Variants in SHROOM3 observed in about 807,000 individuals in gnomAD.
The protein encoded by SHROOM3 is protein Shroom3.
In SHROOM3, 47 loss-of-function variants were observed where a neutral mutation model predicts 138.6. The observed-to-expected ratio is 0.34, with a 90% CI of 0.27 to 0.43. The LOEUF is 0.43. Among genes scored for constraint, SHROOM3 ranks in the 20% least tolerant of loss-of-function variants. The pLI is 1.00. For synonymous variants in SHROOM3, 1,062 were observed against 1,063.3 expected (o/e 1.00, Z 0.02); for missense variants, 2,491 against 2,596.5 (o/e 0.96, Z 0.88).
intron 8 of SHROOM3, among the ~76,000 whole-genome samples, chr4:76,757,884 G>A (rs1434037653): frequency 6.6e-6 from 1 of 152,098 alleles, no homozygotes; most frequent in East Asian, 1.9e-4. Flanking sequence ...GACAGTCTGG[G>A]ACTCAGCAGT....
chr4:76,765,340 C>A (rs1354441835), intron 9 of SHROOM3, among the ~76,000 whole-genome samples: 1 of 148,088 alleles, frequency 6.8e-6, no homozygotes, highest in Non-Finnish European at 1.5e-5. Context: ...CATGGTGAAA[C>A]CCCATCTCTA....
At chr4:76,474,547 T>C (rs772334297) in intron 1 of SHROOM3, among the ~76,000 whole-genome samples, 2 of 152,102 alleles carry the variant, frequency 1.3e-5, no homozygotes, top group Non-Finnish European at 2.9e-5. Flanking sequence ...TAATGGGAAA[T>C]AAATTTTAAA....
intron 2 of SHROOM3, among the ~76,000 whole-genome samples, chr4:76,557,029 G>T (rs111402214): frequency 0.014 from 2,147 of 152,180 alleles, 40 homozygotes; most frequent in African/African-American, 0.049. Context: ...AGACAGACCC[G>T]GGTTCAAATT....
chr4:76,727,887 C>CAAAAA lies in SHROOM3; in HGVS notation c.456-2912_456-2908dup, dbSNP rs71212446. On this transcript the variant is annotated intron_variant, in intron 3 of 10. Coordinates refer to ENST00000296043, the MANE Select transcript of SHROOM3 (RefSeq NM_020859.4). ...TGGGCGATAGAGCAAGACTCCATCT[C>CAAAAA]AAAAAAAAAGGTTGATTCAACTTTA... is the stretch of plus-strand genomic sequence containing the variant. Among the ~76,000 whole-genome samples, 13 of 96,260 alleles carry CAAAAA rather than the reference C, an allele frequency of 1.4e-4. 1 individual carries two copies. The highest frequency in any genetic ancestry group is 7.0e-3 in the Middle Eastern group (1 of 142). The allele number at this position is 96,260 out of a possible 152,430, so 63.2% of individuals were successfully genotyped here. A position where few individuals can be genotyped will look rare whatever the true frequency, so the allele number is the denominator to read the frequency against.
At chr4:76,672,304 A>G (rs1718904895) in intron 2 of SHROOM3, among the ~76,000 whole-genome samples, 1 of 152,126 alleles carries the variant, frequency 6.6e-6, no homozygotes, top group Admixed American at 6.6e-5. Flanking sequence ...AAAACCAGAG[A>G]ATAATTCTAT....
At chr4:76,439,524 G>A (rs1560506394) in intron 1 of SHROOM3, among the ~76,000 whole-genome samples, 1 of 152,122 alleles carries the variant, frequency 6.6e-6, no homozygotes, top group Admixed American at 6.6e-5. Flanking sequence ...CCAGGGATGA[G>A]ACTAAAGTGA....
intron 3 of SHROOM3, chr4:76,716,237 C>G: frequency 2.0e-6 from 1 of 497,938 alleles, no homozygotes; most frequent in Non-Finnish European, 4.0e-6. Context: ...TGGGCAAGTT[C>G]AAGGCGATTC....
chr4:76,650,655 C>T (rs1323578373), intron 2 of SHROOM3, among the ~76,000 whole-genome samples: 2 of 152,068 alleles, frequency 1.3e-5, no homozygotes, highest in African/African-American at 4.8e-5. Flanking sequence ...AGCGATTCTC[C>T]TGCCTCAGCC....
intron 2 of SHROOM3, among the ~76,000 whole-genome samples, chr4:76,566,251 A>T (rs964853825): frequency 6.6e-6 from 1 of 152,166 alleles, no homozygotes; most frequent in African/African-American, 2.4e-5. Context: ...TAGGTAGGAT[A>T]AGTAATCCAG....
At chr4:76,475,158 G>A (rs1017800389) in intron 1 of SHROOM3, among the ~76,000 whole-genome samples, 15 of 152,110 alleles carry the variant, frequency 9.9e-5, no homozygotes, top group Middle Eastern at 6.8e-3. Context: ...ATTATATGTC[G>A]TTTTGTAATA....
intron 2 of SHROOM3, among the ~76,000 whole-genome samples, chr4:76,697,087 ATT>A (rs1163545473): frequency 1.3e-4 from 18 of 135,718 alleles, no homozygotes; most frequent in Admixed American, 2.2e-4. Flanking sequence ...CAGCTAATTA[ATT>A]TTTTTTTTTT....
At chr4:76,746,977 C>T (rs185547120) in intron 5 of SHROOM3, among the ~76,000 whole-genome samples, 4 of 151,780 alleles carry the variant, frequency 2.6e-5, no homozygotes, top group Non-Finnish European at 5.9e-5. Context: ...CCACCAGGCC[C>T]CGGTAATTTT....
At chr4:76,764,791 G>A (rs1360072130) in intron 9 of SHROOM3, among the ~76,000 whole-genome samples, 1 of 152,152 alleles carries the variant, frequency 6.6e-6, no homozygotes, top group Admixed American at 6.5e-5. Context: ...TTAGCATTTT[G>A]ATTATGATTT....
At chr4:76,497,200 C>T (rs1022355948) in intron 1 of SHROOM3, among the ~76,000 whole-genome samples, 1 of 152,188 alleles carries the variant, frequency 6.6e-6, no homozygotes, top group Non-Finnish European at 1.5e-5. Context: ...ATTTCACAGT[C>T]TATCAGCCAA....
chr4:76,644,797 A>G (rs1283679643), intron 2 of SHROOM3, among the ~76,000 whole-genome samples: 2 of 152,178 alleles, frequency 1.3e-5, no homozygotes, highest in Non-Finnish European at 2.9e-5. Context: ...AGAGCAACAT[A>G]TCTGATGTGA....
intron 1 of SHROOM3, among the ~76,000 whole-genome samples, chr4:76,483,566 A>T (rs1186976915): frequency 6.6e-6 from 1 of 152,242 alleles, no homozygotes; most frequent in Non-Finnish European, 1.5e-5. Context: ...AAATTAGTTC[A>T]ACCATTTTAG....
At chr4:76,454,075 C>T (rs1055102271) in intron 1 of SHROOM3, among the ~76,000 whole-genome samples, 5 of 152,008 alleles carry the variant, frequency 3.3e-5, no homozygotes, top group African/African-American at 9.7e-5. Flanking sequence ...TGGAGTTTTG[C>T]TCTTGTTGCT....
At position 76,732,803 on chromosome 4, in the gene SHROOM3, G is replaced by A. The variant is rs574013839; in HGVS notation, c.587+1868G>A. 3.9e-5 allele frequency among the ~76,000 whole-genome samples: 6 copies of A among 152,314 alleles called. No individual in the cohort carries two copies. The South Asian group carries it at 1.2e-3, about 32-fold the overall frequency. On this transcript the variant is annotated intron_variant, in intron 4 of 10. Coordinates refer to ENST00000296043, the MANE Select transcript of SHROOM3 (RefSeq NM_020859.4). ...CCTTACCCCTACGGTGTAAGCTTGAGCAAATCATTTAACCTTTGATCTTGG... is the reference window on the plus strand; with the variant it reads ...CCTTACCCCTACGGTGTAAGCTTGAACAAATCATTTAACCTTTGATCTTGG...
intron 1 of SHROOM3, among the ~76,000 whole-genome samples, chr4:76,542,490 A>G (rs1448879004): frequency 6.6e-6 from 1 of 152,238 alleles, no homozygotes; most frequent in Non-Finnish European, 1.5e-5. Flanking sequence ...GGCCAAATAT[A>G]ATCACAAAGA....
Sources: gnomAD v4.1 joint callset for allele counts (sites outside exome capture counted in the v4.1 genomes callset) on GRCh38, gnomAD v4.1.1 for gene constraint, MANE v1.5 for transcripts, NCBI Gene and HGNC (gene_info 2026-07-23, HGNC 2026-07-21) for gene names.